Variants in BUB1 observed in about 807,000 individuals in gnomAD.
BUB1 encodes the protein mitotic checkpoint serine/threonine-protein kinase BUB1.
A neutral mutation model predicts 135.2 loss-of-function variants in BUB1; 84 were observed. That is an observed-to-expected ratio of 0.62 (90% CI 0.52 to 0.74). The LOEUF (loss-of-function observed/expected upper bound fraction) is 0.74. Among genes scored for constraint, BUB1 ranks in the 30% least tolerant of loss-of-function variants. The pLI is 0.00. For synonymous variants in BUB1, 403 were observed against 434.4 expected (o/e 0.93, Z 0.90); for missense variants, 1,162 against 1,288.3 (o/e 0.90, Z 1.50).
In BUB1 at chr2:110,678,060, G is replaced by T; in HGVS notation, c.-65C>A. ...GCAAACTAGAAGCCGCCGCCGATTC[G>T]AATACCCCGCGCAGCCGCAGTCGGC... On this transcript the variant is annotated 5_prime_UTR_variant, in exon 1 of 25. Transcript: ENST00000302759. 3 of 1,546,840 alleles carry T rather than the reference G, an allele frequency of 1.9e-6. No individual in the cohort carries two copies. In the South Asian group the frequency reaches 3.6e-5, roughly 18 times the overall value.
intron 23 of BUB1, among the ~76,000 whole-genome samples, chr2:110,640,525 A>G (rs1005077712): frequency 6.6e-6 from 1 of 152,246 alleles, no homozygotes; most frequent in Non-Finnish European, 1.5e-5. Flanking sequence ...TTCCATTAGA[A>G]TAATAATGAT....
At chr2:110,653,250 T>C (rs1689830020) in intron 17 of BUB1, among the ~76,000 whole-genome samples, 186 bp downstream of exon 17, 3 of 152,348 alleles carry the variant, frequency 2.0e-5, no homozygotes, top group African/African-American at 7.2e-5. Flanking sequence ...AGGTTCACTG[T>C]TGTATGTATA....
At position 110,649,310 on chromosome 2, in the gene BUB1, TGGTTTAGAAA is replaced by T; in HGVS notation, c.2261_2270del (p.Leu754GlnfsTer2). 1 of 1,611,712 alleles carries T rather than the reference TGGTTTAGAAA, an allele frequency of 6.2e-7. No homozygotes were observed. Among genetic ancestry groups the T allele is most frequent in the Non-Finnish European group, 8.5e-7 (1 of 1,178,780 alleles). Reference sequence around the variant, plus strand: ...CAAAAGTATTTGGATAGGAACTCACTGGTTTAGAAAGCCCAGATAAAAGTTTGAAAATCAG... The same window carrying T: ...CAAAAGTATTTGGATAGGAACTCACTGCCCAGATAAAAGTTTGAAAATCAG... On this transcript the variant is annotated frameshift_variant, in exon 19 of 25. Coordinates refer to ENST00000302759, the MANE Select transcript of BUB1 (RefSeq NM_004336.5). LOFTEE classifies it high-confidence loss of function.
Position 110,648,274 on chromosome 2 carries a change from A to C in BUB1, c.2347+960T>G, listed in dbSNP as rs561303456. 6.6e-6 allele frequency among the ~76,000 whole-genome samples: 1 copy of C among 152,328 alleles called. No homozygotes were observed. Among genetic ancestry groups the C allele is most frequent in the East Asian group, 1.9e-4 (1 of 5,186 alleles). On this transcript the variant is annotated intron_variant, in intron 19 of 24. Coordinates refer to ENST00000302759, the MANE Select transcript of BUB1 (RefSeq NM_004336.5). The surrounding 1 kb of genome is among the most constrained non-coding windows in gnomAD (Gnocchi z 4.2). ...AGGGAACCTTAAATGCATATTGCTA[A>C]GTAAAAGATGCCAGTTGAAAAGGCT...
At chr2:110,643,170 C>G (rs1689548962) in intron 19 of BUB1, among the ~76,000 whole-genome samples, 1 of 152,156 alleles carries the variant, frequency 6.6e-6, no homozygotes, top group African/African-American at 2.4e-5. Flanking sequence ...CATTAGAGAA[C>G]TGAGGTCAAA....
chr2:110,655,847 G>C lies in BUB1; in HGVS notation c.1768C>G (p.Leu590Val), dbSNP rs199990864. The change falls in exon 16 of 25, where the codon CTG becomes GTG. Residue 590 changes from leucine to valine, a missense_variant. Physicochemically the swap from Leu to Val is conservative, Grantham distance 32. Transcript: ENST00000302759. ...TVWGIRCNKT[L>V]APSPKSPGDF... is the part of the protein sequence containing the mutation. ...CCTGGGCTCTTAGGACTGGGTGCCA[G>C]GGTTTTGTTGCAGCGAATACCCCAT... 4 of 1,614,042 alleles carry C rather than the reference G, an allele frequency of 2.5e-6. No homozygotes were observed. The highest frequency in any genetic ancestry group is 4.5e-5 in the East Asian group (2 of 44,882).
intron 24 of BUB1, among the ~76,000 whole-genome samples, chr2:110,638,622 C>A (rs1434350573): frequency 6.6e-6 from 1 of 152,164 alleles, no homozygotes; most frequent in Non-Finnish European, 1.5e-5. Flanking sequence ...AAATTAACTG[C>A]AGAAACTCCA....
At chr2:110,675,468 G>A (rs547660787) in intron 1 of BUB1, among the ~76,000 whole-genome samples, 50 of 152,236 alleles carry the variant, frequency 3.3e-4, no homozygotes, top group African/African-American at 1.2e-3. Flanking sequence ...TGGTTCAAGT[G>A]TGATGAGCAG....
At chr2:110,669,027 C>T (rs1228613171) in intron 6 of BUB1, among the ~76,000 whole-genome samples, 2 of 152,148 alleles carry the variant, frequency 1.3e-5, no homozygotes, top group African/African-American at 4.8e-5. Flanking sequence ...GACCCATTGC[C>T]TGGGAGTATG....
At chr2:110,675,610 T>C (rs1203545980) in intron 1 of BUB1, among the ~76,000 whole-genome samples, 2 of 151,958 alleles carry the variant, frequency 1.3e-5, no homozygotes, top group Non-Finnish European at 2.9e-5. Flanking sequence ...CTATAAGATT[T>C]TTTTTTTTTT....
At chr2:110,638,271 C>G (rs1689415264) in intron 24 of BUB1, 112 bp from the exon 25 acceptor site, 1 of 700,464 alleles carries the variant, frequency 1.4e-6, no homozygotes, top group African/African-American at 1.8e-5. Flanking sequence ...TAACAACTCT[C>G]ACCTAAACAC....
At chr2:110,639,556 G>A (rs558465215) in intron 24 of BUB1, among the ~76,000 whole-genome samples, 186 bp downstream of exon 24, 2 of 152,128 alleles carry the variant, frequency 1.3e-5, no homozygotes, top group African/African-American at 4.8e-5. Context: ...AGTGGGGAGA[G>A]AGAAGTGGTA....
intron 10 of BUB1, among the ~76,000 whole-genome samples, chr2:110,660,254 T>C (rs955654650): frequency 3.9e-5 from 6 of 152,072 alleles, no homozygotes; most frequent in African/African-American, 1.4e-4. Flanking sequence ...CAGGCACCTG[T>C]AATCCCAGCT....
rs898776919 is a variant in BUB1 at position 110,645,813 on chromosome 2, T to C, written c.2347+3421A>G. 1.6e-4 allele frequency among the ~76,000 whole-genome samples: 24 copies of C among 152,010 alleles called. No homozygotes were observed. In the East Asian group the frequency reaches 2.1e-3, roughly 14 times the overall value. Reference sequence around the variant, plus strand: ...AAACTCCTGGCCTCAGCTGATCCTATTGCCTTGGCTCCCAAAGTGCTGGAT... The same window carrying C: ...AAACTCCTGGCCTCAGCTGATCCTACTGCCTTGGCTCCCAAAGTGCTGGAT... On this transcript the variant is annotated intron_variant, in intron 19 of 24. Transcript: ENST00000302759.
chr2:110,641,591 G>C (rs778648975), intron 21 of BUB1, 51 bp downstream of exon 21: 16 of 1,588,828 alleles, frequency 1.0e-5, no homozygotes, highest in Non-Finnish European at 1.3e-5. Flanking sequence ...CAAGGTACAA[G>C]CCAAAAATCC....
intron 18 of BUB1, 64 bp downstream of exon 18, chr2:110,650,482 T>C: frequency 1.7e-5 from 26 of 1,505,784 alleles, no homozygotes; most frequent in Non-Finnish European, 2.3e-5. Flanking sequence ...GTTTCTTTCA[T>C]GGGACAGCTT....
chr2:110,666,456 C>T (rs148669565), intron 8 of BUB1, 42 bp from the exon 9 acceptor site: 22,115 of 1,291,206 alleles, frequency 0.017, 227 homozygotes, highest in Non-Finnish European at 0.02. Flanking sequence ...AAATTTAAAT[C>T]CAGGTCATCA....
In BUB1 at chr2:110,672,809, G is replaced by C. The variant is rs776526809; in HGVS notation, c.274C>G (p.His92Asp). The C allele has an allele frequency of 6.2e-7, 1 of 1,610,832 alleles. No individual in the cohort carries two copies. Among genetic ancestry groups the C allele is most frequent in the African/African-American group, 1.3e-5 (1 of 74,838 alleles). ...GGGGATGACAGGGTTCCAATCCCAT[G>C]GTTGTACAGAAACTCAAAAAATTGA... ...LHQFFEFLYN[H>D]GIGTLSSPLY... Residue 92 changes from histidine (H) to aspartate (D), a missense_variant, in exon 4 of 25, where the codon CAT (histidine) becomes GAT (aspartate). His to Asp is a moderately conservative substitution (Grantham distance 81). Transcript: ENST00000302759.
intron 9 of BUB1, chr2:110,662,114 T>C (rs573320779): frequency 1.3e-5 from 5 of 372,070 alleles, no homozygotes; most frequent in African/African-American, 8.3e-5. Flanking sequence ...TCTATAGTTG[T>C]ATCAGCATTT....
Sources: gnomAD v4.1 joint callset for allele counts (sites outside exome capture counted in the v4.1 genomes callset) on GRCh38, gnomAD v4.1.1 for gene constraint, Gnocchi (gnomAD v3.1) non-coding constraint, MANE v1.5 for transcripts, NCBI Gene and HGNC (gene_info 2026-07-23, HGNC 2026-07-21) for gene names.